CDH10: variants seen among roughly 807,000 people sequenced by gnomAD.
CDH10 encodes cadherin 10, also known as cadherin-10.
Under a neutral mutation model 73.1 loss-of-function variants are expected in CDH10, and 30 were observed. That is an observed-to-expected ratio of 0.41 (90% CI 0.31 to 0.56). The LOEUF (loss-of-function observed/expected upper bound fraction) is 0.56. CDH10 is among the 20% of genes least tolerant of loss of function. The pLI, the probability that CDH10 is intolerant of heterozygous loss-of-function variation, is 0.27. For synonymous variants in CDH10, 345 were observed against 348.2 expected (o/e 0.99, Z 0.10); for missense variants, 815 against 973.7 (o/e 0.84, Z 2.17).
intron 1 of CDH10, among the ~76,000 whole-genome samples, chr5:24,632,028 C>T (rs1268031288): frequency 6.6e-6 from 1 of 151,790 alleles, no homozygotes; most frequent in Non-Finnish European, 1.5e-5. Flanking sequence ...AAAAATGGTC[C>T]CAGGGTGATG....
At chr5:24,550,636 T>C (rs6872180) in intron 2 of CDH10, among the ~76,000 whole-genome samples, 54,587 of 152,008 alleles carry the variant, frequency 0.36, 11,980 homozygotes, top group East Asian at 0.58. Flanking sequence ...TTTTCATTCA[T>C]ATTTTATATT....
At chr5:24,584,856 T>TC (rs1561180079) in intron 2 of CDH10, among the ~76,000 whole-genome samples, 131 of 150,962 alleles carry the variant, frequency 8.7e-4, no homozygotes, top group African/African-American at 2.8e-3. Flanking sequence ...GCTTTTTTTT[T>TC]TCCCCCCTGA....
At chr5:24,537,267 C>T (rs1743990228) in intron 3 of CDH10, 113 bp downstream of exon 3, 5 of 694,112 alleles carry the variant, frequency 7.2e-6, no homozygotes, top group Non-Finnish European at 1.2e-5. Context: ...TAAATATGTA[C>T]TCATGGTAGC....
intron 1 of CDH10, among the ~76,000 whole-genome samples, chr5:24,630,637 C>T (rs755044564): frequency 5.4e-5 from 8 of 149,080 alleles, no homozygotes; most frequent in South Asian, 2.1e-4. Flanking sequence ...AGCCAGAACC[C>T]GAGGGCAGAC....
At chr5:24,517,972 A>C (rs1399150734) in intron 5 of CDH10, among the ~76,000 whole-genome samples, 2 of 152,194 alleles carry the variant, frequency 1.3e-5, no homozygotes, top group African/African-American at 4.8e-5. Context: ...TTCGTAGTGT[A>C]GGCTCAGATA....
chr5:24,512,298 C>T (rs571644499), intron 5 of CDH10, among the ~76,000 whole-genome samples: 1 of 152,006 alleles, frequency 6.6e-6, no homozygotes, highest in East Asian at 1.9e-4. Context: ...AGCCACGCAC[C>T]AACCAAGCGT....
chr5:24,576,783 C>T (rs1745619554), intron 2 of CDH10, among the ~76,000 whole-genome samples: 1 of 151,972 alleles, frequency 6.6e-6, no homozygotes, highest in African/African-American at 2.4e-5. Flanking sequence ...TTGGCAGTCC[C>T]TTAAGAGTGG....
intron 1 of CDH10, among the ~76,000 whole-genome samples, chr5:24,632,346 TTCAATTTC>T (rs1447689397): frequency 6.6e-6 from 1 of 151,910 alleles, no homozygotes; most frequent in Non-Finnish European, 1.5e-5. Context: ...CCATTTCAAT[TTCAATTTC>T]TGTTTCCCCT....
intron 9 of CDH10, 79 bp from the exon 10 acceptor site, chr5:24,493,004 T>C: frequency 1.5e-6 from 1 of 672,476 alleles, no homozygotes; most frequent in South Asian, 1.8e-5. Context: ...CTTCATTTTG[T>C]CTGAAGTTGT....
At chr5:24,526,617 C>T (rs562368799) in intron 5 of CDH10, among the ~76,000 whole-genome samples, 28 of 151,840 alleles carry the variant, frequency 1.8e-4, no homozygotes, top group African/African-American at 6.3e-4. Context: ...ACCTTTTAAC[C>T]CTCAAACCTT....
chr5:24,615,723 G>A (rs954778204), intron 1 of CDH10, among the ~76,000 whole-genome samples: 3 of 152,138 alleles, frequency 2.0e-5, no homozygotes, highest in African/African-American at 7.2e-5. Context: ...AGGTACCATA[G>A]GATTCTTACT....
intron 8 of CDH10, among the ~76,000 whole-genome samples, chr5:24,503,720 G>A (rs1327442596): frequency 1.3e-5 from 2 of 152,060 alleles, no homozygotes; most frequent in African/African-American, 4.8e-5. Context: ...TGATAACTTT[G>A]GACAAGTTAC....
intron 2 of CDH10, among the ~76,000 whole-genome samples, chr5:24,572,848 T>C (rs1745437545): frequency 1.4e-5 from 2 of 147,298 alleles, no homozygotes; most frequent in South Asian, 4.2e-4. Flanking sequence ...GCCTCACATA[T>C]GATCTGTAAA....
intron 2 of CDH10, among the ~76,000 whole-genome samples, chr5:24,580,659 C>G (rs912651314): frequency 6.6e-6 from 1 of 152,134 alleles, no homozygotes; most frequent in African/African-American, 2.4e-5. Flanking sequence ...ATATAAGACC[C>G]TACATATTAG....
intron 1 of CDH10, among the ~76,000 whole-genome samples, chr5:24,617,462 A>T (rs945970218): frequency 2.0e-5 from 3 of 152,206 alleles, no homozygotes; most frequent in Non-Finnish European, 4.4e-5. Context: ...CATACTGATC[A>T]TTAGTAAAAT....
intron 1 of CDH10, among the ~76,000 whole-genome samples, chr5:24,596,946 CAG>C (rs1746391239): frequency 6.6e-6 from 1 of 151,836 alleles, no homozygotes; most frequent in African/African-American, 2.4e-5. Flanking sequence ...AAATTATTAA[CAG>C]AATTATAATG....
chr5:24,537,308 T>C, intron 3 of CDH10, 72 bp downstream of exon 3: 1 of 952,186 alleles, frequency 1.1e-6, no homozygotes, highest in East Asian at 2.4e-5. Context: ...TAATTGATTA[T>C]ACTATTATAA....
chr5:24,561,902 C>T (rs10472513), intron 2 of CDH10, among the ~76,000 whole-genome samples: 125,859 of 151,960 alleles, frequency 0.83, 52,159 homozygotes, highest in East Asian at 0.9. Context: ...CTTCCCACTA[C>T]GAACCATGCA....
At chr5:24,559,759 T>A (rs1744890067) in intron 2 of CDH10, among the ~76,000 whole-genome samples, 1 of 152,060 alleles carries the variant, frequency 6.6e-6, no homozygotes, top group South Asian at 2.1e-4. Flanking sequence ...TCATACAAAG[T>A]AAATGTTAAA....
Sources: gnomAD v4.1 joint callset for allele counts (sites outside exome capture counted in the v4.1 genomes callset) on GRCh38, gnomAD v4.1.1 for gene constraint, MANE v1.5 for transcripts, NCBI Gene and HGNC (gene_info 2026-07-23, HGNC 2026-07-21) for gene names.